Variants in SPTBN1 observed in about 807,000 individuals in gnomAD.
SPTBN1 encodes spectrin beta, non-erythrocytic 1.
Under a neutral mutation model 266.4 loss-of-function variants are expected in SPTBN1, and 32 were observed. That is an observed-to-expected ratio of 0.12 (90% confidence interval 0.09 to 0.16). The LOEUF (loss-of-function observed/expected upper bound fraction) is 0.16, where lower values mean the gene tolerates loss of function less well. Among genes scored for constraint, SPTBN1 ranks in the 10% least tolerant of loss-of-function variants. The pLI is 1.00. For missense variants in SPTBN1, 2,296 were observed against 3,067.1 expected (o/e 0.75, Z 5.94); for synonymous variants, 1,336 against 1,162.2 (o/e 1.15, Z -3.04).
intron 2 of SPTBN1, among the ~76,000 whole-genome samples, chr2:54,591,263 A>G (rs1558875748): frequency 1.3e-5 from 2 of 152,178 alleles, no homozygotes; most frequent in African/African-American, 4.8e-5. Context: ...ACACAGTATT[A>G]TTGATTTAAA....
Position 54,670,871 on chromosome 2 carries a change from G to A in SPTBN1, c.*2302G>A, listed in dbSNP as rs1681660987. On this transcript the variant is annotated 3_prime_UTR_variant, in exon 36 of 36. Transcript: ENST00000356805. ...GCGAGAGGAGCGTCAGAAGACCCCA[G>A]TCAAGACGTGTTCGCCATCAGAGGT... 2.5e-6 allele frequency: 1 copy of A among 398,516 alleles called. No homozygotes were observed. Among genetic ancestry groups the A allele is most frequent in the African/African-American group, 2.1e-5 (1 of 48,722 alleles). 24.7% of individuals were successfully genotyped at this position (398,516 alleles called of 1,614,324 possible). A position where few individuals can be genotyped will look rare whatever the true frequency, so the allele number is the denominator to read the frequency against.
chr2:54,572,537 C>T (rs951135545), intron 2 of SPTBN1, among the ~76,000 whole-genome samples: 19 of 152,152 alleles, frequency 1.2e-4, no homozygotes, highest in South Asian at 4.1e-4. Flanking sequence ...AGATAGCACA[C>T]GAATGTGCAA....
intron 18 of SPTBN1, 63 bp downstream of exon 18, chr2:54,637,866 T>C: frequency 1.5e-6 from 2 of 1,338,626 alleles, no homozygotes; most frequent in South Asian, 2.5e-5. Context: ...AGCCAGCATT[T>C]AGCACAAGAG....
At chr2:54,525,477 G>A (rs961743912) in intron 1 of SPTBN1, among the ~76,000 whole-genome samples, 2 of 152,050 alleles carry the variant, frequency 1.3e-5, no homozygotes, top group Admixed American at 1.3e-4. Context: ...CAGGTGATCC[G>A]CCCGCCTCAG....
chr2:54,456,999 G>C (rs1693073241), intron 1 of SPTBN1, among the ~76,000 whole-genome samples: 1 of 151,756 alleles, frequency 6.6e-6, no homozygotes, highest in African/African-American at 2.4e-5. Flanking sequence ...GTGGGGAGCG[G>C]GGGCGGCGGT....
chr2:54,626,349 T>G lies in SPTBN1; in HGVS notation c.1644+115T>G, dbSNP rs1678329421. 7.8e-7 allele frequency: 1 copy of G among 1,290,320 alleles called. No homozygotes were observed. The highest frequency in any genetic ancestry group is 1.1e-6 in the Non-Finnish European group (1 of 948,908). The allele number at this position is 1,290,320 out of a possible 1,614,324, so 79.9% of individuals were successfully genotyped here. A position where few individuals can be genotyped will look rare whatever the true frequency, so the allele number is the denominator to read the frequency against. ...TGTGTGCCTTGTCTAACTGCCCACA[T>G]GTACAGCTAGAGAGGAGCCACATCA... On this transcript the variant is annotated intron_variant, in intron 12 of 35. Transcript: ENST00000356805. This position sits in a 1 kb window ranked among gnomAD's most constrained non-coding sequence, Gnocchi z 4.7.
rs143180891 is a variant in SPTBN1 at position 54,515,282 on chromosome 2, AT to A, written c.-47-11088del. Among the ~76,000 whole-genome samples, 839 of 152,206 alleles carry A rather than the reference AT, an allele frequency of 5.5e-3. 10 individuals are homozygous for A. Among genetic ancestry groups the A allele is most frequent in the African/African-American group, 0.019 (807 of 41,518 alleles). ...TATCCTTAAAAACTCCAGTCCCCAA[AT>A]TCTTGGGGAGACTGTTTTAAGTAAT... On this transcript the variant is annotated intron_variant, in intron 1 of 35. Coordinates refer to ENST00000356805, the MANE Select transcript of SPTBN1 (RefSeq NM_003128.3).
At chr2:54,590,830 G>A (rs780659407) in intron 2 of SPTBN1, among the ~76,000 whole-genome samples, 2 of 152,188 alleles carry the variant, frequency 1.3e-5, no homozygotes, top group Non-Finnish European at 2.9e-5. Context: ...TAAATGCCAG[G>A]TTCAGAGATT....
chr2:54,568,610 C>CT (rs1388774835), intron 2 of SPTBN1, among the ~76,000 whole-genome samples: 5 of 152,110 alleles, frequency 3.3e-5, no homozygotes, highest in African/African-American at 7.2e-5. Flanking sequence ...AGAAGTAAGT[C>CT]TTTTATAGAA....
intron 1 of SPTBN1, among the ~76,000 whole-genome samples, chr2:54,498,722 A>G (rs927266664): frequency 1.3e-5 from 2 of 152,120 alleles, no homozygotes; most frequent in African/African-American, 2.4e-5. Flanking sequence ...TTGTCAATGC[A>G]TTTTTCTTAA....
intron 2 of SPTBN1, among the ~76,000 whole-genome samples, chr2:54,542,891 A>C (rs887664792): frequency 1.3e-5 from 2 of 152,218 alleles, no homozygotes; most frequent in African/African-American, 4.8e-5. Flanking sequence ...TTTGGTCACA[A>C]ATCTGCAAGG....
chr2:54,658,734 G>C (rs1449807777), intron 30 of SPTBN1, among the ~76,000 whole-genome samples: 1 of 152,188 alleles, frequency 6.6e-6, no homozygotes, highest in African/African-American at 2.4e-5. Context: ...GGTTTTGGCT[G>C]AACACAGATC....
intron 2 of SPTBN1, 113 bp from the exon 3 acceptor site, chr2:54,598,979 G>A (rs1005349120): frequency 1.8e-5 from 21 of 1,176,234 alleles, no homozygotes; most frequent in African/African-American, 4.6e-5. Context: ...AGGTGTCCTT[G>A]GAGGTCAGTT....
At chr2:54,543,097 G>A (rs1672029283) in intron 2 of SPTBN1, among the ~76,000 whole-genome samples, 1 of 152,174 alleles carries the variant, frequency 6.6e-6, no homozygotes, top group African/African-American at 2.4e-5. Flanking sequence ...AGCTATCCAG[G>A]ACTGTCCATC....
intron 17 of SPTBN1, among the ~76,000 whole-genome samples, chr2:54,633,439 G>C (rs1244852055): frequency 6.6e-6 from 1 of 151,942 alleles, no homozygotes; most frequent in Non-Finnish European, 1.5e-5. Context: ...GTGTGTGTCT[G>C]TCTGTCTGTC....
Position 54,576,636 on chromosome 2 carries a change from C to G in SPTBN1, c.149-22456C>G, listed in dbSNP as rs746524216. On this transcript the variant is annotated intron_variant, in intron 2 of 35. Transcript: ENST00000356805. ...CTCTTAATTAGCCAAGAATAAGTGC[C>G]GTGGAAGAAGGCAGGATGACTTTTT... Among the ~76,000 whole-genome samples the G allele has an allele frequency of 3.9e-4, 59 of 152,084 alleles. 1 individual carries two copies. Among genetic ancestry groups the G allele is most frequent in the African/African-American group, 1.4e-3 (57 of 41,398 alleles).
intron 17 of SPTBN1, among the ~76,000 whole-genome samples, chr2:54,635,935 A>G (rs576822201): frequency 7.2e-5 from 11 of 152,318 alleles, no homozygotes; most frequent in African/African-American, 2.6e-4. Flanking sequence ...TTCACTAACA[A>G]TCTTTTATTT....
Position 54,671,408 on chromosome 2 carries a change from A to G in SPTBN1, c.*2839A>G, listed in dbSNP as rs1681678439. The G allele has an allele frequency of 3.3e-5, 5 of 152,310 alleles. No homozygotes were observed. In the South Asian group the frequency reaches 8.3e-4, roughly 25 times the overall value. The allele number at this position is 152,310 out of a possible 1,614,324, so 9.4% of individuals were successfully genotyped here. A position where few individuals can be genotyped will look rare whatever the true frequency, so the allele number is the denominator to read the frequency against. ...TTAGTTCCCCTGGATACATTGTTTTATCAGTCGGAATTCTTAAATAAAGAC... is the reference window on the plus strand; with the variant it reads ...TTAGTTCCCCTGGATACATTGTTTTGTCAGTCGGAATTCTTAAATAAAGAC... On this transcript the variant is annotated 3_prime_UTR_variant, in exon 36 of 36. Transcript: ENST00000356805.
intron 2 of SPTBN1, among the ~76,000 whole-genome samples, chr2:54,576,016 A>G (rs1446753084): frequency 7.0e-6 from 1 of 143,076 alleles, no homozygotes; most frequent in African/African-American, 2.6e-5. Flanking sequence ...GGATGATGGT[A>G]ATGGTCTGTG....
Sources: gnomAD v4.1 joint callset for allele counts (sites outside exome capture counted in the v4.1 genomes callset) on GRCh38, gnomAD v4.1.1 for gene constraint, Gnocchi (gnomAD v3.1) non-coding constraint, MANE v1.5 for transcripts, NCBI Gene and HGNC (gene_info 2026-07-23, HGNC 2026-07-21) for gene names.